Variants in SEC14L2 observed in about 807,000 individuals in gnomAD.
SEC14L2 encodes SEC14-like protein 2.
A neutral mutation model predicts 56.9 loss-of-function variants in SEC14L2; 50 were observed. The ratio of observed to expected loss-of-function variants is 0.88; its 90% CI spans 0.70 to 1.11. SEC14L2 has a LOEUF of 1.11. Ranked by LOEUF, SEC14L2 falls within the 50% of genes most tolerant of loss-of-function variation. The pLI is 0.00. For missense variants in SEC14L2, 414 were observed against 500.7 expected (o/e 0.83, Z 1.65); for synonymous variants, 179 against 188.5 (o/e 0.95, Z 0.41).
At chr22:30,404,450 A>G (rs1277115623) in intron 2 of SEC14L2, among the ~76,000 whole-genome samples, 1 of 152,194 alleles carries the variant, frequency 6.6e-6, no homozygotes, top group African/African-American at 2.4e-5. Context: ...GCGATGGTTA[A>G]GGGACCGGTG....
intron 1 of SEC14L2, 64 bp downstream of exon 1, chr22:30,397,234 G>A (rs993192604): frequency 1.8e-5 from 25 of 1,377,846 alleles, no homozygotes; most frequent in East Asian, 2.8e-5. Flanking sequence ...CTGCGGCAGC[G>A]AGAAGGGACG....
rs1168167628 is a variant in SEC14L2 at position 30,425,164 on chromosome 22, CCTT to C, written c.*2760_*2762del. On this transcript the variant is annotated 3_prime_UTR_variant, in exon 12 of 12. Coordinates refer to ENST00000615189, the MANE Select transcript of SEC14L2 (RefSeq NM_012429.5). ...CTGTGTGTTCTGGGAAAATGACCCA[CCTT>C]CTCTGTGCCTCCATTTTCTCACCTG... 2 of 196,096 alleles carry C rather than the reference CCTT, an allele frequency of 1.0e-5. No homozygotes were observed. Among genetic ancestry groups the C allele is most frequent in the African/African-American group, 4.7e-5 (2 of 42,572 alleles). 12.1% of individuals were successfully genotyped at this position (196,096 alleles called of 1,614,324 possible). A position where few individuals can be genotyped will look rare whatever the true frequency, so the allele number is the denominator to read the frequency against.
chr22:30,416,054 A>G lies in SEC14L2; in HGVS notation c.878A>G (p.Glu293Gly), dbSNP rs916030056. The stretch of plus-strand genomic sequence containing the variant: ...TCCCGTGGCTCCTCCCACCAAGTGG[A>G]GTATGAGATCCTCTTCCCTGGCTGT... ...QISRGSSHQVEYEILFPGCVL... is the reference protein window; with the variant it reads ...QISRGSSHQVGYEILFPGCVL... The change falls in exon 10 of 12, where the codon GAG (glutamate) becomes GGG (glycine). Residue 293 changes from glutamate to glycine, a missense_variant. Physicochemically the swap from Glu to Gly is moderately conservative, Grantham distance 98. Transcript: ENST00000615189. 6.2e-7 allele frequency: 1 copy of G among 1,614,114 alleles called. No homozygotes were observed. Among genetic ancestry groups the G allele is most frequent in the African/African-American group, 1.3e-5 (1 of 74,926 alleles).
rs769253717 is a variant in SEC14L2 at position 30,416,333 on chromosome 22, G to T, written c.1011G>T (p.Leu337=). ...GGGCAGGGGAGATGACAGAGGTGCTGCCCAACCAGAGGTACAACTCCCACC... is the reference window on the plus strand; with the variant it reads ...GGGCAGGGGAGATGACAGAGGTGCTTCCCAACCAGAGGTACAACTCCCACC... ...RQRAGEMTEV[L]PNQRYNSHLV... The change falls in exon 11 of 12, where the codon CTG becomes CTT. Residue 337 remains leucine, a synonymous_variant. Transcript: ENST00000615189. The T allele has an allele frequency of 1.9e-6, 3 of 1,614,242 alleles. No homozygotes were observed. The highest frequency in any genetic ancestry group is 2.5e-6 in the Non-Finnish European group (3 of 1,180,034).
rs908177757 is a variant in SEC14L2 at position 30,424,887 on chromosome 22, T to C, written c.*2480T>C. 11 of 450,014 alleles carry C rather than the reference T, an allele frequency of 2.4e-5. No individual in the cohort carries two copies. Among genetic ancestry groups the C allele is most frequent in the African/African-American group, 2.2e-4 (11 of 49,916 alleles). The allele number at this position is 450,014 out of a possible 1,614,324, so 27.9% of individuals were successfully genotyped here. On this transcript the variant is annotated 3_prime_UTR_variant, in exon 12 of 12. Coordinates refer to ENST00000615189, the MANE Select transcript of SEC14L2 (RefSeq NM_012429.5). ...CCCAACTCTGTCTCCCTTGCCCGAT[T>C]CATTCATTCGTTAATTAATTCATCC... is the stretch of plus-strand genomic sequence containing the variant.
chr22:30,409,715 C>G lies in SEC14L2; in HGVS notation c.580+229C>G, dbSNP rs541443739. On this transcript the variant is annotated intron_variant, in intron 7 of 11. Transcript: ENST00000615189. ...GAGTTTGAGACCAGCCTGGGTAACACAGCAAGACCTCATCTCTATAAAAAA... is the reference window on the plus strand; with the variant it reads ...GAGTTTGAGACCAGCCTGGGTAACAGAGCAAGACCTCATCTCTATAAAAAA... Among the ~76,000 whole-genome samples the G allele has an allele frequency of 8.6e-5, 13 of 151,328 alleles. No homozygotes were observed. The East Asian group carries it at 2.6e-3, about 30-fold the overall frequency.
chr22:30,407,167 TATCCCACCTC>T lies in SEC14L2; in HGVS notation c.234+19_234+28del, dbSNP rs1333913955. ...GCAGCCTCCAGAGGTGAGCACAAAT[TATCCCACCTC>T]ATCCCTATGCTAGGCCTTTCAGACC... On this transcript the variant is annotated intron_variant, in intron 4 of 11. Transcript: ENST00000615189. The T allele has an allele frequency of 6.2e-7, 1 of 1,613,546 alleles. No individual in the cohort carries two copies. The highest frequency in any genetic ancestry group is 1.3e-5 in the African/African-American group (1 of 74,900).
At chr22:30,409,563 A>C (rs1161703816) in intron 7 of SEC14L2, 77 bp downstream of exon 7, 13 of 1,355,104 alleles carry the variant, frequency 9.6e-6, no homozygotes, top group Non-Finnish European at 2.1e-6. Context: ...ATGGAGGGTC[A>C]AACAGTGAGC....
At chr22:30,412,859 C>T (rs9620981) in intron 8 of SEC14L2, among the ~76,000 whole-genome samples, 51 of 134,568 alleles carry the variant, frequency 3.8e-4, no homozygotes, top group South Asian at 3.7e-3. Context: ...AAAAAAAAAA[C>T]AAAAAAAACT....
chr22:30,411,865 G>T (rs1305672404), intron 8 of SEC14L2, among the ~76,000 whole-genome samples: 2 of 151,952 alleles, frequency 1.3e-5, no homozygotes, highest in Non-Finnish European at 2.9e-5. Context: ...AAAGTGCATG[G>T]GAGCACTCAG....
rs1934615207 is a variant in SEC14L2 at position 30,424,458 on chromosome 22, G to A, written c.*2051G>A. ...GCGGGGGCCTCCGTAGGGAGCCAGC[G>A]GGGGCCTCAATAGTTACTCATTTTC... On this transcript the variant is annotated 3_prime_UTR_variant, in exon 12 of 12. Coordinates refer to ENST00000615189, the MANE Select transcript of SEC14L2 (RefSeq NM_012429.5). 2 of 342,166 alleles carry A rather than the reference G, an allele frequency of 5.8e-6. No homozygotes were observed. Among genetic ancestry groups the A allele is most frequent in the Admixed American group, 8.0e-5 (2 of 24,880 alleles). 21.2% of individuals were successfully genotyped at this position (342,166 alleles called of 1,614,324 possible).
intron 11 of SEC14L2, among the ~76,000 whole-genome samples, chr22:30,418,137 C>T (rs1601787420): frequency 6.6e-6 from 1 of 152,044 alleles, no homozygotes; most frequent in African/African-American, 2.4e-5. Context: ...AGGCTGGTCT[C>T]GAACTCCTGG....
chr22:30,410,166 G>C (rs958588371), intron 7 of SEC14L2, among the ~76,000 whole-genome samples: 9 of 151,598 alleles, frequency 5.9e-5, no homozygotes, highest in African/African-American at 2.2e-4. Flanking sequence ...CTGAGGCTGA[G>C]GCAAGAGCAC....
At chr22:30,411,453 G>T (rs1157800551) in intron 8 of SEC14L2, among the ~76,000 whole-genome samples, 1 of 151,900 alleles carries the variant, frequency 6.6e-6, no homozygotes, top group Non-Finnish European at 1.5e-5. Flanking sequence ...AGATGAATAA[G>T]ACAGAGTCCT....
In SEC14L2 at chr22:30,424,522, G is replaced by A. The variant is rs1325343916; in HGVS notation, c.*2115G>A. On this transcript the variant is annotated 3_prime_UTR_variant, in exon 12 of 12. Transcript: ENST00000615189. ...AAAATAAGAGCTAATTCTTAATAAG[G>A]CCTACCGGGTATCACGCAAAAACCC... The A allele has an allele frequency of 1.1e-5, 4 of 351,486 alleles. No individual in the cohort carries two copies. Among genetic ancestry groups the A allele is most frequent in the Non-Finnish European group, 1.7e-5 (3 of 177,908 alleles). The allele number at this position is 351,486 out of a possible 1,614,324, so 21.8% of individuals were successfully genotyped here. A position where few individuals can be genotyped will look rare whatever the true frequency, so the allele number is the denominator to read the frequency against.
intron 8 of SEC14L2, among the ~76,000 whole-genome samples, 184 bp from the exon 9 acceptor site, chr22:30,415,575 C>A (rs1934364901): frequency 6.6e-6 from 1 of 152,208 alleles, no homozygotes; most frequent in Admixed American, 6.5e-5. Context: ...TCCTCTGGCT[C>A]CTGCTGAACC....
At chr22:30,419,544 A>AAAC (rs962770067) in intron 11 of SEC14L2, among the ~76,000 whole-genome samples, 10 of 152,320 alleles carry the variant, frequency 6.6e-5, no homozygotes, top group African/African-American at 2.4e-4. Context: ...CTCTGTCTCA[A>AAAC]AACAACAACA....
chr22:30,419,321 G>A (rs769044017), intron 11 of SEC14L2, among the ~76,000 whole-genome samples: 98 of 152,214 alleles, frequency 6.4e-4, no homozygotes, highest in Non-Finnish European at 1.2e-3. Context: ...GGAGGTCAAG[G>A]TGGGTGGATC....
chr22:30,418,879 C>T (rs1414407542), intron 11 of SEC14L2, among the ~76,000 whole-genome samples: 1 of 152,230 alleles, frequency 6.6e-6, no homozygotes, highest in Non-Finnish European at 1.5e-5. Context: ...GTGCCAGCCT[C>T]CAATGGCAAG....
Sources: allele counts gnomAD v4.1 joint callset (sites outside exome capture counted in the v4.1 genomes callset), GRCh38; gene constraint gnomAD v4.1.1; transcripts MANE v1.5; gene names NCBI Gene and HGNC (gene_info 2026-07-23, HGNC 2026-07-21).